Variants in LYST observed in about 807,000 individuals in gnomAD.
LYST encodes the protein lysosomal-trafficking regulator.
A neutral mutation model predicts 413.6 loss-of-function variants in LYST; 192 were observed. The observed-to-expected ratio is 0.46, with a 90% CI of 0.41 to 0.52. The LOEUF (loss-of-function observed/expected upper bound fraction) is 0.52. Ranked by LOEUF, LYST falls within the 20% of genes least tolerant of loss-of-function variation. The probability of loss-of-function intolerance (pLI) is 0.00; values close to 1 mark genes in which losing one functional copy is unlikely to be tolerated. For synonymous variants in LYST, 1,525 were observed against 1,567.3 expected, an observed-to-expected ratio of 0.97 and a Z score of 0.64; for missense variants, 3,815 against 4,499.9, an observed-to-expected ratio of 0.85 and a Z score of 4.35.
In LYST at chr1:235,734,543, A is replaced by G. The variant is rs755127014; in HGVS notation, c.8475T>C (p.Gly2825=). The G allele has an allele frequency of 1.2e-6, 2 of 1,613,708 alleles. No homozygotes were observed. Residue 2825 remains glycine (G), a synonymous_variant, in exon 32 of 53, where the codon GGT becomes GGC. Transcript: ENST00000389793. ...ELLMNALKLC[G]HKCIPPSAST... ...ATGCACTGGGAGGGATGCACTTGTG[A>G]CCACATAACTTCAAAGCATTCATAA...
intron 3 of LYST, chr1:235,827,530 A>G (rs1675465422): frequency 1.0e-6 from 1 of 979,596 alleles, no homozygotes; most frequent in Admixed American, 6.2e-5. Flanking sequence ...TAGTGTTATG[A>G]TTTCATCTTA....
At position 235,804,670 on chromosome 1, in the gene LYST, G is replaced by A. The variant is rs754576759; in HGVS notation, c.3394-5C>T. Reference sequence around the variant, plus strand: ...TATACTTTCCACAGACAAGTTCTAAGGTAAAATAAAAGAGACTAAGAATAT... The same window carrying A: ...TATACTTTCCACAGACAAGTTCTAAAGTAAAATAAAAGAGACTAAGAATAT... On this transcript the variant is annotated splice_polypyrimidine_tract_variant and splice_region_variant and intron_variant, in intron 6 of 52. Transcript: ENST00000389793. The A allele has an allele frequency of 2.9e-5, 45 of 1,562,722 alleles. No homozygotes were observed. Among genetic ancestry groups the A allele is most frequent in the Non-Finnish European group, 4.0e-5 (45 of 1,138,092 alleles).
At chr1:235,802,860 A>G (rs1002106143) in intron 8 of LYST, 48 bp downstream of exon 8, 25 of 1,585,628 alleles carry the variant, frequency 1.6e-5, no homozygotes, top group Admixed American at 3.3e-5. Context: ...TTGCTATTTA[A>G]TGATCTGGCT....
In LYST at chr1:235,755,433, A is replaced by AAAAG. The variant is rs749761952; in HGVS notation, c.7229+44_7229+45insCTTT. 7.7e-6 allele frequency: 9 copies of AAAAG among 1,163,382 alleles called. No individual in the cohort carries two copies. The Middle Eastern group carries it at 1.8e-3, about 232-fold the overall frequency. The allele number at this position is 1,163,382 out of a possible 1,614,324, so 72.1% of individuals were successfully genotyped here. ...GAAAAGAAAAGAAAAGAAAAGAAAA[A>AAAAG]AGACAAAAGATTCCCAATTATAGTG... On this transcript the variant is annotated intron_variant, in intron 25 of 52. Transcript: ENST00000389793.
intron 4 of LYST, among the ~76,000 whole-genome samples, chr1:235,811,934 A>G (rs189629359): frequency 7.0e-4 from 107 of 152,314 alleles, no homozygotes; most frequent in African/African-American, 2.2e-3. Context: ...AAACAGTATT[A>G]CAAAACCTTA....
intron 36 of LYST, 109 bp downstream of exon 36, chr1:235,730,738 T>C (rs1048175915): frequency 5.8e-6 from 5 of 860,504 alleles, no homozygotes; most frequent in Admixed American, 5.7e-5. Flanking sequence ...CTTTCCTGTT[T>C]AGGATTTTTC....
rs1176788516 is a variant in LYST, at chr1:235,816,473, A to T, written c.193-3412T>A. 2.7e-5 allele frequency among the ~76,000 whole-genome samples: 4 copies of T among 150,440 alleles called. No individual in the cohort carries two copies. In the South Asian group the frequency reaches 8.3e-4, roughly 31 times the overall value. On this transcript the variant is annotated intron_variant, in intron 3 of 52. Coordinates refer to ENST00000389793, the MANE Select transcript of LYST (RefSeq NM_000081.4). Reference sequence around the variant, plus strand: ...ATAAATAAATAAAAAATAAAAATAAAAAAAAAAAGCCATACTGCCCAAAGC... The same window carrying T: ...ATAAATAAATAAAAAATAAAAATAATAAAAAAAAGCCATACTGCCCAAAGC...
chr1:235,715,461 A>G (rs1662756916), intron 41 of LYST, 104 bp from the exon 42 acceptor site: 1 of 1,088,904 alleles, frequency 9.2e-7, no homozygotes. Flanking sequence ...TACCCCTTTG[A>G]GGCCATTCTC....
rs1363909678 is a variant in LYST at position 235,733,820 on chromosome 1, A to C, written c.8612+10T>G. On this transcript the variant is annotated intron_variant, in intron 33 of 52. Transcript: ENST00000389793. The stretch of plus-strand genomic sequence containing the variant: ...TAAAATACATGCCTTTGGAACATAT[A>C]AAATCTTACCTTTGTTGATTATTGT... 6.3e-7 allele frequency: 1 copy of C among 1,580,242 alleles called. No individual in the cohort carries two copies. The highest frequency in any genetic ancestry group is 8.7e-7 in the Non-Finnish European group (1 of 1,149,366).
chr1:235,720,809 C>T lies in LYST; in HGVS notation c.9412G>A (p.Gly3138Arg). Residue 3138 changes from glycine (G) to arginine (R), a missense_variant, in exon 40 of 53, where the codon GGG becomes AGG. Gly to Arg is a moderately radical substitution (Grantham distance 125, BLOSUM62 -2). Coordinates refer to ENST00000389793, the MANE Select transcript of LYST (RefSeq NM_000081.4). Reference protein sequence around the residue: ...ITALTNLWYTGQITNFEYLTH... With the variant: ...ITALTNLWYTRQITNFEYLTH... ...AAATATTCAAAATTAGTAATTTGCC[C>T]AGTATACCATAAATTTGTCAGAGCG... 6.2e-7 allele frequency: 1 copy of T among 1,613,978 alleles called. No homozygotes were observed. Among genetic ancestry groups the T allele is most frequent in the South Asian group, 1.1e-5 (1 of 91,074 alleles).
chr1:235,879,467 A>G (rs943716235), intron 1 of LYST, among the ~76,000 whole-genome samples: 1 of 152,234 alleles, frequency 6.6e-6, no homozygotes, highest in African/African-American at 2.4e-5. Context: ...ACCTGTGTTA[A>G]CTGGCTGTCT....
At chr1:235,695,629 A>ATTTTTTTTTTTTTTTT (rs148101450) in intron 46 of LYST, among the ~76,000 whole-genome samples, 11 of 116,416 alleles carry the variant, frequency 9.4e-5, no homozygotes, top group African/African-American at 3.7e-4. Context: ...CAGTACTCTA[A>ATTTTTTTTTTTTTTTT]TTTTTTTTTT....
At chr1:235,837,624 CAAA>C (rs34107122) in intron 1 of LYST, among the ~76,000 whole-genome samples, 23 of 121,426 alleles carry the variant, frequency 1.9e-4, no homozygotes, top group Admixed American at 1.8e-4. Flanking sequence ...GACCCTGTTT[CAAA>C]AAAAAAAAAA....
At chr1:235,738,298 G>A (rs1469770826) in intron 31 of LYST, 44 of 1,611,606 alleles carry the variant, frequency 2.7e-5, no homozygotes, top group Admixed American at 5.0e-5. Context: ...GAGGCACATC[G>A]CAAGAGGGAG....
chr1:235,661,297 TA>T lies in LYST; in HGVS notation c.*1642del, dbSNP rs1658030195. ...TAGATAAATGATGAAATTCGGTTTTTAAAAAAAGATGAGTAGCAACCCTATT... is the reference window on the plus strand; with the variant it reads ...TAGATAAATGATGAAATTCGGTTTTTAAAAAAGATGAGTAGCAACCCTATT... On this transcript the variant is annotated 3_prime_UTR_variant, in exon 53 of 53. Coordinates refer to ENST00000389793, the MANE Select transcript of LYST (RefSeq NM_000081.4). 6.6e-6 allele frequency: 1 copy of T among 152,586 alleles called. No homozygotes were observed. Among genetic ancestry groups the T allele is most frequent in the Non-Finnish European group, 1.5e-5 (1 of 68,026 alleles). 9.5% of individuals were successfully genotyped at this position (152,586 alleles called of 1,614,324 possible). A position where few individuals can be genotyped will look rare whatever the true frequency, so the allele number is the denominator to read the frequency against.
chr1:235,718,435 C>G (rs1197948804), intron 40 of LYST, among the ~76,000 whole-genome samples: 1 of 151,850 alleles, frequency 6.6e-6, no homozygotes, highest in Non-Finnish European at 1.5e-5. Flanking sequence ...CTCCGCCTCC[C>G]AAGTTCAAGT....
chr1:235,675,617 C>T (rs1558104944), intron 50 of LYST, among the ~76,000 whole-genome samples: 1 of 152,150 alleles, frequency 6.6e-6, no homozygotes, highest in Non-Finnish European at 1.5e-5. Context: ...ACCCTGACTC[C>T]AGGAGGACAG....
chr1:235,733,394 G>T, intron 34 of LYST, 109 bp downstream of exon 34: 1 of 931,920 alleles, frequency 1.1e-6, no homozygotes, highest in Non-Finnish European at 1.7e-6. Context: ...ACAAAAAATT[G>T]TTTAATGAAA....
At chr1:235,752,875 TTTTC>T (rs1012879921) in intron 26 of LYST, among the ~76,000 whole-genome samples, 165 bp downstream of exon 26, 4 of 152,038 alleles carry the variant, frequency 2.6e-5, no homozygotes, top group Admixed American at 2.0e-4. Context: ...CTTGCTTTTT[TTTTC>T]TTTCTTTCTG....
Sources: gnomAD v4.1 joint callset for allele counts (sites outside exome capture counted in the v4.1 genomes callset) on GRCh38, gnomAD v4.1.1 for gene constraint, MANE v1.5 for transcripts, NCBI Gene and HGNC (gene_info 2026-07-23, HGNC 2026-07-21) for gene names.